Variants in SBF1 observed in about 807,000 individuals in gnomAD.
SBF1 encodes the protein SET binding factor 1.
A neutral mutation model predicts 215.8 loss-of-function variants in SBF1; 65 were observed. That is an observed-to-expected ratio of 0.30 (90% CI 0.25 to 0.37). The LOEUF (loss-of-function observed/expected upper bound fraction) is 0.37. Among genes scored for constraint, SBF1 ranks in the 10% least tolerant of loss-of-function variants. The pLI, the probability that SBF1 is intolerant of heterozygous loss-of-function variation, is 1.00. For missense variants in SBF1, 2,634 were observed against 2,667.8 expected, an observed-to-expected ratio of 0.99 and a Z score of 0.28; for synonymous variants, 1,410 against 1,122.8, an observed-to-expected ratio of 1.26 and a Z score of -5.11.
At chr22:50,455,673 G>A (rs1209734925) in intron 31 of SBF1, 91 bp from the exon 32 acceptor site, 3 of 1,089,448 alleles carry the variant, frequency 2.8e-6, no homozygotes, top group East Asian at 5.2e-5. Context: ...TCCACAGGCA[G>A]CGGGGAGGCA....
At chr22:50,463,102 C>T (rs1440307854) in intron 16 of SBF1, among the ~76,000 whole-genome samples, 164 bp from the exon 17 acceptor site, 2 of 152,164 alleles carry the variant, frequency 1.3e-5, no homozygotes, top group African/African-American at 2.4e-5. Context: ...GACCCCAGGC[C>T]CCAGCACCTG....
intron 28 of SBF1, among the ~76,000 whole-genome samples, chr22:50,457,515 G>A (rs1356005144): frequency 2.0e-5 from 3 of 152,216 alleles, no homozygotes; most frequent in East Asian, 1.9e-4. Context: ...GCATGTAGAC[G>A]CCTCTGTCCA....
At chr22:50,461,483 G>A in intron 22 of SBF1, 40 bp downstream of exon 22, 1 of 1,556,048 alleles carries the variant, frequency 6.4e-7, no homozygotes, top group Non-Finnish European at 8.7e-7. Context: ...AAAGACCTGG[G>A]GGAGAGGGGG....
intron 30 of SBF1, 38 bp downstream of exon 30, chr22:50,456,454 C>CCCCCCCCCG: frequency 7.3e-7 from 1 of 1,360,898 alleles, no homozygotes; most frequent in Non-Finnish European, 9.9e-7. Context: ...CCCTGCCGAG[C>CCCCCCCCCG]CCCCACCCTC....
At position 50,460,718 on chromosome 22, in the gene SBF1, T is replaced by C; in HGVS notation, c.2968-6A>G. 2 of 1,611,928 alleles carry C rather than the reference T, an allele frequency of 1.2e-6. No homozygotes were observed. Among genetic ancestry groups the C allele is most frequent in the Non-Finnish European group, 1.7e-6 (2 of 1,179,568 alleles). On this transcript the variant is annotated splice_region_variant and splice_polypyrimidine_tract_variant and intron_variant, in intron 23 of 40. Coordinates refer to ENST00000380817, the MANE Select transcript of SBF1 (RefSeq NM_002972.4). ...TCAAAGGCCATTTTCAGCAGCTGTG[T>C]CAGTAAAAGCAGCCCTTAGGGGTGT...
intron 24 of SBF1, 32 bp downstream of exon 24, chr22:50,460,502 C>G (rs1166501817): frequency 6.2e-7 from 1 of 1,611,240 alleles, no homozygotes; most frequent in Admixed American, 1.7e-5. Flanking sequence ...CGGCTGAGGC[C>G]CAGCTGCCCT....
chr22:50,446,878 C>T lies in SBF1; in HGVS notation c.*264G>A, dbSNP rs781254344. 5.6e-5 allele frequency: 42 copies of T among 744,444 alleles called. 1 individual carries two copies. Among genetic ancestry groups the T allele is most frequent in the Admixed American group, 1.6e-4 (9 of 57,194 alleles). The allele number at this position is 744,444 out of a possible 1,614,324, so 46.1% of individuals were successfully genotyped here. The stretch of plus-strand genomic sequence containing the variant: ...TGCAGCCGCTGGCTGGACCAGCACA[C>T]GCTGACGGGGCCGGACTATTTACAG... On this transcript the variant is annotated 3_prime_UTR_variant, in exon 41 of 41. Transcript: ENST00000380817.
chr22:50,466,639 G>A lies in SBF1; in HGVS notation c.621C>T (p.Ser207=). ...QTPLADSLPV[S]RCSVALLFRQ... ...GGAAGAGCAGGGCCACGCTGCAGCG[G>A]CTGACGGGCAGCGAGTCGGCCAGTG... Residue 207 remains serine, a synonymous_variant, in exon 6 of 41, where the codon AGC becomes AGT. Coordinates refer to ENST00000380817, the MANE Select transcript of SBF1 (RefSeq NM_002972.4). The A allele has an allele frequency of 6.4e-7, 1 of 1,552,808 alleles. No individual in the cohort carries two copies. Among genetic ancestry groups the A allele is most frequent in the Middle Eastern group, 1.7e-4 (1 of 5,988 alleles).
chr22:50,469,277 C>T (rs55996881), intron 1 of SBF1, among the ~76,000 whole-genome samples: 2,791 of 152,364 alleles, frequency 0.018, 40 homozygotes, highest in Non-Finnish European at 0.025. Context: ...AGGATGGGTG[C>T]TGAGCACAGC....
At position 50,454,813 on chromosome 22, in the gene SBF1, C is replaced by T; in HGVS notation, c.4812+1G>A. On this transcript the variant is annotated splice_donor_variant, in intron 35 of 40. Coordinates refer to ENST00000380817, the MANE Select transcript of SBF1 (RefSeq NM_002972.4). LOFTEE classifies it high-confidence loss of function. The stretch of plus-strand genomic sequence containing the variant: ...CCTACCCGACCCAGGCCCCAGCTTA[C>T]CTCTGCGTCCTCGGGCGCATACATG... The T allele has an allele frequency of 6.2e-7, 1 of 1,613,860 alleles. No homozygotes were observed. The highest frequency in any genetic ancestry group is 8.5e-7 in the Non-Finnish European group (1 of 1,179,908).
intron 1 of SBF1, among the ~76,000 whole-genome samples, chr22:50,474,030 A>C (rs1046799880): frequency 3.3e-5 from 5 of 152,124 alleles, no homozygotes; most frequent in African/African-American, 9.7e-5. Context: ...TGCTGATGTC[A>C]TCGTCAGGCT....
chr22:50,471,165 G>A (rs956866498), intron 1 of SBF1, among the ~76,000 whole-genome samples: 8 of 152,198 alleles, frequency 5.3e-5, no homozygotes, highest in Non-Finnish European at 1.2e-4. Flanking sequence ...TGTGCTGGGT[G>A]GCACTGGGCA....
At position 50,464,893 on chromosome 22, in the gene SBF1, T is replaced by A; in HGVS notation, c.1357A>T (p.Met453Leu). 6.2e-7 allele frequency: 1 copy of A among 1,613,692 alleles called. No homozygotes were observed. Among genetic ancestry groups the A allele is most frequent in the Non-Finnish European group, 8.5e-7 (1 of 1,179,986 alleles). ...DELVAHEVAR[M>L]RADENHPQRV... ...TGGGGGTGGTTCTCATCCGCCCGCA[T>A]CCTTGCCACCTCGTGGGCCACCAGC... is the stretch of plus-strand genomic sequence containing the variant. The change falls in exon 13 of 41, where the codon ATG (methionine) becomes TTG (leucine). Residue 453 changes from methionine (M) to leucine (L), a missense_variant. Physicochemically the swap from Met to Leu is conservative, Grantham distance 15. Transcript: ENST00000380817.
chr22:50,459,962 T>C lies in SBF1; in HGVS notation c.3481A>G (p.Ile1161Val). ...CTGGCCGGCCCTCACCTGCGGCAGA[T>C]GGCATACATGCGGTTGACCGGAGAA... The part of the protein sequence containing the change: ...RISPVNRMYA[I>V]CRSYPGLLIV... Residue 1161 changes from isoleucine (I) to valine (V), a missense_variant, in exon 26 of 41, where the codon ATC becomes GTC. Physicochemically the swap from Ile to Val is conservative, Grantham distance 29. Coordinates refer to ENST00000380817, the MANE Select transcript of SBF1 (RefSeq NM_002972.4). 1 of 1,613,710 alleles carries C rather than the reference T, an allele frequency of 6.2e-7. No individual in the cohort carries two copies. Among genetic ancestry groups the C allele is most frequent in the Non-Finnish European group, 8.5e-7 (1 of 1,179,916 alleles).
At chr22:50,472,980 GC>G (rs1470048730) in intron 1 of SBF1, among the ~76,000 whole-genome samples, 1 of 152,134 alleles carries the variant, frequency 6.6e-6, no homozygotes, top group East Asian at 1.9e-4. Context: ...GGAAGGGGGG[GC>G]ACCTTGGGCT....
chr22:50,452,140 T>TAAAAAAAAAAAAA (rs374473892), intron 36 of SBF1, among the ~76,000 whole-genome samples: 2 of 113,222 alleles, frequency 1.8e-5, no homozygotes, highest in Non-Finnish European at 1.9e-5. Context: ...ACTGCTGAAT[T>TAAAAAAAAAAAAA]AAAAAAAAAA....
At chr22:50,472,973 A>AG (rs942660653) in intron 1 of SBF1, among the ~76,000 whole-genome samples, 2 of 152,130 alleles carry the variant, frequency 1.3e-5, no homozygotes, top group African/African-American at 2.4e-5. Flanking sequence ...ACTTAGGGGA[A>AG]GGGGGGGCAC....
chr22:50,455,975 A>T, intron 31 of SBF1: 2 of 567,324 alleles, frequency 3.5e-6, no homozygotes, highest in Non-Finnish European at 6.2e-6. Flanking sequence ...ACGTGGGCCC[A>T]GCAGGCTGCT....
chr22:50,448,173 C>T lies in SBF1; in HGVS notation c.5363+60G>A. 3 of 1,538,312 alleles carry T rather than the reference C, an allele frequency of 2.0e-6. No individual in the cohort carries two copies. The South Asian group carries it at 3.4e-5, about 17-fold the overall frequency. ...CCGCAATCTCCCACCAGAGGACTGCCTGGGACCCCAGAACACCAGCTCAGA... is the reference window on the plus strand; with the variant it reads ...CCGCAATCTCCCACCAGAGGACTGCTTGGGACCCCAGAACACCAGCTCAGA... On this transcript the variant is annotated intron_variant, in intron 38 of 40. Coordinates refer to ENST00000380817, the MANE Select transcript of SBF1 (RefSeq NM_002972.4).
Sources: gnomAD v4.1 joint callset for allele counts (sites outside exome capture counted in the v4.1 genomes callset) on GRCh38, gnomAD v4.1.1 for gene constraint, MANE v1.5 for transcripts, NCBI Gene and HGNC (gene_info 2026-07-23, HGNC 2026-07-21) for gene names.